Variants in SGCZ observed in about 807,000 individuals in gnomAD.
SGCZ encodes the protein sarcoglycan zeta, also known as zeta-sarcoglycan.
Under a neutral mutation model 41.3 loss-of-function variants are expected in SGCZ, and 40 were observed. The observed-to-expected ratio is 0.97, with a 90% CI of 0.75 to 1.26. The LOEUF is 1.26. Among genes scored for constraint, SGCZ ranks in the 50% most tolerant of loss-of-function variants. The pLI, the probability that SGCZ is intolerant of heterozygous loss-of-function variation, is 0.00. For synonymous variants in SGCZ, 206 were observed against 137.5 expected (o/e 1.50, Z -3.49); for missense variants, 552 against 369.8 (o/e 1.49, Z -4.04).
At chr8:14,748,117 G>T (rs200518650) in intron 1 of SGCZ, among the ~76,000 whole-genome samples, 4 of 152,102 alleles carry the variant, frequency 2.6e-5, no homozygotes, top group Non-Finnish European at 5.9e-5. Context: ...AAGGCTTCCC[G>T]TGTGTCCAAG....
chr8:15,134,950 G>A (rs1021678028), intron 1 of SGCZ, among the ~76,000 whole-genome samples: 9 of 136,090 alleles, frequency 6.6e-5, no homozygotes, highest in African/African-American at 2.0e-4. Flanking sequence ...TTCAAGCAAT[G>A]TTGTTTCAAA....
intron 1 of SGCZ, among the ~76,000 whole-genome samples, chr8:15,053,189 T>C (rs1187453402): frequency 1.3e-4 from 20 of 152,184 alleles, no homozygotes; most frequent in Non-Finnish European, 1.5e-5. Flanking sequence ...TTCCAGCCCA[T>C]CCAAACACTA....
chr8:14,799,970 T>C (rs921067894), intron 1 of SGCZ, among the ~76,000 whole-genome samples: 1 of 152,198 alleles, frequency 6.6e-6, no homozygotes, highest in Non-Finnish European at 1.5e-5. Context: ...AAAAGTATTT[T>C]CTTAAAACAA....
chr8:14,725,585 A>T (rs1810023259), intron 1 of SGCZ, among the ~76,000 whole-genome samples: 1 of 152,232 alleles, frequency 6.6e-6, no homozygotes, highest in Non-Finnish European at 1.5e-5. Flanking sequence ...AATGAGAAGC[A>T]AGGGGCACAC....
chr8:14,719,542 C>A (rs1240780532), intron 1 of SGCZ, among the ~76,000 whole-genome samples: 1 of 151,946 alleles, frequency 6.6e-6, no homozygotes, highest in African/African-American at 2.4e-5. Context: ...TAATGATTGT[C>A]ATTCTAACTG....
At chr8:14,250,848 T>C (rs183168216) in intron 3 of SGCZ, among the ~76,000 whole-genome samples, 2 of 152,310 alleles carry the variant, frequency 1.3e-5, no homozygotes, top group Admixed American at 6.5e-5. Flanking sequence ...GTTGGCTCCA[T>C]ACTCCTCATC....
At chr8:14,641,949 C>G (rs1807040245) in intron 1 of SGCZ, among the ~76,000 whole-genome samples, 1 of 151,620 alleles carries the variant, frequency 6.6e-6, no homozygotes, top group African/African-American at 2.4e-5. Flanking sequence ...GAAACAAAAG[C>G]TACTTACTTC....
chr8:14,241,007 T>A (rs751478681), intron 3 of SGCZ, among the ~76,000 whole-genome samples: 4 of 152,122 alleles, frequency 2.6e-5, no homozygotes, highest in Non-Finnish European at 4.4e-5. Flanking sequence ...ACATACCACC[T>A]CTTAAAAACA....
rs143717040 is a variant in SGCZ at position 15,102,287 on chromosome 8, T to C, written c.39+135298A>G. ...ACCTTCAATGCAGATTTGCTAAGTGTTTCCAACTATATGGCATTCTGGAAA... is the reference window on the plus strand; with the variant it reads ...ACCTTCAATGCAGATTTGCTAAGTGCTTCCAACTATATGGCATTCTGGAAA... On this transcript the variant is annotated intron_variant, in intron 1 of 7. Transcript: ENST00000382080. Among the ~76,000 whole-genome samples the C allele has an allele frequency of 9.9e-5, 15 of 152,268 alleles. 1 individual carries two copies. The East Asian group carries it at 2.9e-3, about 29-fold the overall frequency.
intron 1 of SGCZ, among the ~76,000 whole-genome samples, chr8:14,603,358 A>G (rs770740892): frequency 6.6e-6 from 1 of 152,198 alleles, no homozygotes; most frequent in East Asian, 1.9e-4. Flanking sequence ...CATGTCTCAC[A>G]GCAAATGATT....
intron 2 of SGCZ, among the ~76,000 whole-genome samples, chr8:14,553,862 G>C (rs1293303589): frequency 6.6e-6 from 1 of 152,072 alleles, no homozygotes; most frequent in Non-Finnish European, 1.5e-5. Context: ...AGGATGCAGA[G>C]TTCTAAAGAA....
At chr8:15,217,577 C>A (rs1015214034) in intron 1 of SGCZ, among the ~76,000 whole-genome samples, 7 of 152,062 alleles carry the variant, frequency 4.6e-5, no homozygotes, top group Non-Finnish European at 8.8e-5. Context: ...GATTCTTGCC[C>A]CCCCTTGTCC....
intron 2 of SGCZ, among the ~76,000 whole-genome samples, chr8:14,431,975 G>A (rs1337518643): frequency 6.6e-6 from 1 of 151,994 alleles, no homozygotes; most frequent in Non-Finnish European, 1.5e-5. Flanking sequence ...AAACCACAAT[G>A]CGATATCACC....
At chr8:14,994,778 AG>A (rs1274689022) in intron 1 of SGCZ, among the ~76,000 whole-genome samples, 1 of 152,182 alleles carries the variant, frequency 6.6e-6, no homozygotes, top group Non-Finnish European at 1.5e-5. Context: ...CTATAAATTC[AG>A]AAAAAAATCT....
intron 1 of SGCZ, among the ~76,000 whole-genome samples, chr8:14,861,131 C>G (rs1349196940): frequency 2.0e-5 from 3 of 152,142 alleles, no homozygotes; most frequent in Non-Finnish European, 1.5e-5. Flanking sequence ...GACTAAGACA[C>G]TACACTTTGT....
intron 4 of SGCZ, among the ~76,000 whole-genome samples, chr8:14,231,310 G>C (rs1489620834): frequency 6.6e-6 from 1 of 151,776 alleles, no homozygotes; most frequent in Non-Finnish European, 1.5e-5. Flanking sequence ...GAATGTTGGA[G>C]GTGGGCAGAG....
intron 1 of SGCZ, among the ~76,000 whole-genome samples, chr8:15,016,228 T>A (rs1803027969): frequency 1.3e-5 from 2 of 152,096 alleles, no homozygotes; most frequent in Non-Finnish European, 2.9e-5. Context: ...TCCCATCCCA[T>A]CCCCTCTCAT....
At chr8:15,123,972 C>T (rs1219777823) in intron 1 of SGCZ, among the ~76,000 whole-genome samples, 1 of 152,158 alleles carries the variant, frequency 6.6e-6, no homozygotes, top group Non-Finnish European at 1.5e-5. Context: ...AAAGAGGGAA[C>T]ATTGGACAGG....
intron 1 of SGCZ, among the ~76,000 whole-genome samples, chr8:14,653,073 CTA>C (rs565929055): frequency 6.6e-6 from 1 of 152,206 alleles, no homozygotes; most frequent in African/African-American, 2.4e-5. Flanking sequence ...ATAAAATCCT[CTA>C]TGTCTATTAT....
Sources: gnomAD v4.1 joint callset for allele counts (sites outside exome capture counted in the v4.1 genomes callset) on GRCh38, gnomAD v4.1.1 for gene constraint, MANE v1.5 for transcripts, NCBI Gene and HGNC (gene_info 2026-07-23, HGNC 2026-07-21) for gene names.